The following USP4 variants were observed in gnomAD, a reference collection of about 807,000 sequenced individuals.
USP4 encodes ubiquitin specific peptidase 4, also known as ubiquitin carboxyl-terminal hydrolase 4.
Under a neutral mutation model 118.2 loss-of-function variants are expected in USP4, and 72 were observed. The observed-to-expected ratio is 0.61, with a 90% CI of 0.50 to 0.74. The LOEUF (loss-of-function observed/expected upper bound fraction) is 0.74, where lower values mean the gene tolerates loss of function less well. Among genes scored for constraint, USP4 ranks in the 30% least tolerant of loss-of-function variants. The pLI, the probability that USP4 is intolerant of heterozygous loss-of-function variation, is 0.00. For missense variants in USP4, 1,037 were observed against 1,185.7 expected (o/e 0.87, Z 1.84); for synonymous variants, 415 against 440.4 (o/e 0.94, Z 0.72).
chr3:49,299,428 T>C (rs1200766222), intron 11 of USP4, among the ~76,000 whole-genome samples: 1 of 146,344 alleles, frequency 6.8e-6, no homozygotes, highest in Non-Finnish European at 1.5e-5. Context: ...AGTCTCGCTC[T>C]GTCGCCCAGG....
At chr3:49,317,214 C>G in intron 6 of USP4, 1 of 1,511,452 alleles carries the variant, frequency 6.6e-7, no homozygotes, top group Non-Finnish European at 9.2e-7. Flanking sequence ...CCTCCGTCTC[C>G]GCGATGGTCT....
In USP4 at chr3:49,286,133, G is replaced by T. The variant is rs753912219; in HGVS notation, c.2165C>A (p.Ser722Ter). The change falls in exon 16 of 22, where the codon TCA becomes TAA. Residue 722 changes from serine to a stop codon, truncating the protein, a stop_gained. Coordinates refer to ENST00000265560, the MANE Select transcript of USP4 (RefSeq NM_003363.4). LOFTEE classifies it high-confidence loss of function. ...VNSYGTADIN[S>*]LAADGKLLKL... ...AAGTAGTTTTCCATCAGCTGCAAGT[G>T]AATTTATGTCAGCTGTTCCATAGGA... is the stretch of plus-strand genomic sequence containing the variant. 3.1e-6 allele frequency: 5 copies of T among 1,614,194 alleles called. No homozygotes were observed. The highest frequency in any genetic ancestry group is 4.2e-6 in the Non-Finnish European group (5 of 1,180,026).
intron 1 of USP4, among the ~76,000 whole-genome samples, chr3:49,337,053 G>A (rs946690371): frequency 6.6e-6 from 1 of 152,060 alleles, no homozygotes; most frequent in African/African-American, 2.4e-5. Flanking sequence ...GAGAGGCCGA[G>A]GTGGATGGTC....
In USP4 at chr3:49,297,951, T is replaced by C. The variant is rs775013996; in HGVS notation, c.1610A>G (p.Asp537Gly). Residue 537 changes from aspartate to glycine, a missense_variant, in exon 13 of 22, where the codon GAT (aspartate) becomes GGT (glycine). Transcript: ENST00000265560. ...GIAAENMVVA[D>G]VYNHRFHKIF... ...TTTGTGGAATCGGTGATTATACACA[T>C]CTGCGACCACCATCTAAGAATGAAC... is the stretch of plus-strand genomic sequence containing the variant. 9 of 1,612,564 alleles carry C rather than the reference T, an allele frequency of 5.6e-6. No individual in the cohort carries two copies. The Admixed American group carries it at 1.5e-4, about 27-fold the overall frequency.
chr3:49,281,491 T>TATACAC (rs1242949530), intron 19 of USP4, among the ~76,000 whole-genome samples: 117 of 126,530 alleles, frequency 9.2e-4, no homozygotes, highest in African/African-American at 2.8e-3. Flanking sequence ...TATATATATA[T>TATACAC]ACACACACAC....
intron 8 of USP4, among the ~76,000 whole-genome samples, chr3:49,309,619 C>CTTTTTTTTTT (rs35128646): frequency 1.3e-5 from 1 of 79,360 alleles, no homozygotes; most frequent in Non-Finnish European, 2.3e-5. Flanking sequence ...GGCGGGACAG[C>CTTTTTTTTTT]TTTTTTTTTT....
In USP4 at chr3:49,278,806, C is replaced by G. The variant is rs748851196; in HGVS notation, c.2733+8G>C. On this transcript the variant is annotated splice_region_variant and intron_variant, in intron 21 of 21. Coordinates refer to ENST00000265560, the MANE Select transcript of USP4 (RefSeq NM_003363.4). The stretch of plus-strand genomic sequence containing the variant: ...ATGAGGAAGAACCACATATCATGGC[C>G]TACTCACCACTATCTGATCCTCAGA... 1.3e-6 allele frequency: 2 copies of G among 1,590,698 alleles called. No individual in the cohort carries two copies. The highest frequency in any genetic ancestry group is 4.5e-5 in the East Asian group (2 of 44,684).
intron 2 of USP4, among the ~76,000 whole-genome samples, chr3:49,332,842 C>A (rs368221082): frequency 6.6e-6 from 1 of 152,020 alleles, no homozygotes; most frequent in Admixed American, 6.6e-5. Context: ...TCAACCTGAA[C>A]AACATGACAA....
intron 13 of USP4, among the ~76,000 whole-genome samples, chr3:49,296,642 C>G (rs994343542): frequency 6.6e-6 from 1 of 152,096 alleles, no homozygotes; most frequent in Non-Finnish European, 1.5e-5. Context: ...GAGCGAGACT[C>G]CGTCTAAAAA....
chr3:49,339,790 G>A (rs2047717930), intron 1 of USP4, 134 bp downstream of exon 1: 1 of 648,198 alleles, frequency 1.5e-6, no homozygotes, highest in Non-Finnish European at 2.6e-6. Flanking sequence ...TTCTCCTGAG[G>A]GGCAGGTGTC....
rs773669515 is a variant in USP4, at chr3:49,309,943, C to CTTTTTTTTTTTTTTTTTTTTTTTTTTTT, written c.954+676_954+677insAAAAAAAAAAAAAAAAAAAAAAAAAAAA. 5.0e-5 allele frequency among the ~76,000 whole-genome samples: 2 copies of CTTTTTTTTTTTTTTTTTTTTTTTTTTTT among 40,236 alleles called. 1 individual carries two copies. Among genetic ancestry groups the CTTTTTTTTTTTTTTTTTTTTTTTTTTTT allele is most frequent in the African/African-American group, 2.3e-4 (2 of 8,722 alleles). The allele number at this position is 40,236 out of a possible 152,430, so 26.4% of individuals were successfully genotyped here. A position where few individuals can be genotyped will look rare whatever the true frequency, so the allele number is the denominator to read the frequency against. On this transcript the variant is annotated intron_variant, in intron 8 of 21. Transcript: ENST00000265560. ...TGCTGCCCCCGGACTTTTTTTTAAT[C>CTTTTTTTTTTTTTTTTTTTTTTTTTTTT]TTTTTTTTTTTTTTTTTTTTTTTGA...
intron 6 of USP4, chr3:49,318,459 A>C (rs1484954941): frequency 3.9e-5 from 38 of 985,382 alleles, no homozygotes; most frequent in Non-Finnish European, 4.5e-5. Context: ...CGTTAAAGGG[A>C]AAGAGAGAAA....
In USP4 at chr3:49,310,629, G is replaced by C. The variant is rs371358425; in HGVS notation, c.945C>G (p.Ser315=). The part of the protein sequence containing the change: ...GNLGNTCFMN[S]ALQCLSNTAP... ...AAGTTCTCTCCTCTACCTGCAAAGCGGAGTTCATGAAGCAGGTGTTTCCCA... is the reference window on the plus strand; with the variant it reads ...AAGTTCTCTCCTCTACCTGCAAAGCCGAGTTCATGAAGCAGGTGTTTCCCA... The change falls in exon 8 of 22, where the codon TCC becomes TCG. Residue 315 remains serine (S), a synonymous_variant. Transcript: ENST00000265560. 1 of 1,613,398 alleles carries C rather than the reference G, an allele frequency of 6.2e-7. No homozygotes were observed. Among genetic ancestry groups the C allele is most frequent in the African/African-American group, 1.3e-5 (1 of 74,924 alleles).
Position 49,278,383 on chromosome 3 carries a change from G to T in USP4, c.2802C>A (p.Ser934Arg). ...DDEFYKTPSL[S>R]SSGSSDGGTR... Reference sequence around the variant, plus strand: ...TCCCTCCATCAGAGGAACCAGAACTGCTAAGTGAAGGTGTCTTATAAAATT... The same window carrying T: ...TCCCTCCATCAGAGGAACCAGAACTTCTAAGTGAAGGTGTCTTATAAAATT... Residue 934 changes from serine (S) to arginine (R), a missense_variant, in exon 22 of 22, where the codon AGC becomes AGA. Around this residue, in one of 3 missense-constraint regions of USP4, gnomAD observed 522 missense variants for 592.6 expected, o/e 0.88. Coordinates refer to ENST00000265560, the MANE Select transcript of USP4 (RefSeq NM_003363.4). 1.2e-6 allele frequency: 2 copies of T among 1,614,176 alleles called. No homozygotes were observed. The highest frequency in any genetic ancestry group is 1.7e-6 in the Non-Finnish European group (2 of 1,180,030).
At chr3:49,283,336 AT>A (rs1466679734) in intron 19 of USP4, among the ~76,000 whole-genome samples, 3 of 150,646 alleles carry the variant, frequency 2.0e-5, no homozygotes, top group Non-Finnish European at 4.4e-5. Context: ...TATATTTTTT[AT>A]TTTTTGTAGA....
intron 19 of USP4, among the ~76,000 whole-genome samples, chr3:49,283,074 G>A (rs1335399897): frequency 7.3e-6 from 1 of 136,998 alleles, no homozygotes; most frequent in African/African-American, 2.8e-5. Flanking sequence ...GGAGTGCAGT[G>A]GTGCAATCTT....
At chr3:49,316,824 T>C (rs919284274) in intron 6 of USP4, 4 of 532,776 alleles carry the variant, frequency 7.5e-6, no homozygotes, top group Non-Finnish European at 1.3e-5. Context: ...AGCCCAGGAG[T>C]GTGGGTGCCG....
intron 8 of USP4, among the ~76,000 whole-genome samples, chr3:49,309,941 A>ATATTTTTTTTTTTT (rs2047365541): frequency 6.5e-5 from 1 of 15,402 alleles, no homozygotes; most frequent in African/African-American, 3.1e-4. Context: ...CTTTTTTTTA[A>ATATTTTTTTTTTTT]TCTTTTTTTT....
chr3:49,302,316 A>G (rs972115804), intron 10 of USP4, 68 bp downstream of exon 10: 1 of 1,542,108 alleles, frequency 6.5e-7, no homozygotes, highest in Non-Finnish European at 8.8e-7. Flanking sequence ...CCAGAAGAAT[A>G]TCCCTGCACT....
Sources: gnomAD v4.1 joint callset for allele counts (sites outside exome capture counted in the v4.1 genomes callset) on GRCh38, gnomAD v4.1.1 for gene constraint, gnomAD v4.1.1 regional missense constraint, MANE v1.5 for transcripts, NCBI Gene and HGNC (gene_info 2026-07-23, HGNC 2026-07-21) for gene names.